The following MSRB3 variants were observed in gnomAD, a reference collection of about 807,000 sequenced individuals.
MSRB3 encodes the protein methionine sulfoxide reductase B3, also known as methionine-R-sulfoxide reductase B3.
In MSRB3, 13 loss-of-function variants were observed where a neutral mutation model predicts 21.0. The ratio of observed to expected loss-of-function variants is 0.62; its 90% CI spans 0.40 to 0.98. The LOEUF (loss-of-function observed/expected upper bound fraction) is 0.98, where lower values mean the gene tolerates loss of function less well. Ranked by LOEUF, MSRB3 falls within the 50% of genes least tolerant of loss-of-function variation. The probability of loss-of-function intolerance (pLI) is 0.00; values close to 1 mark genes in which losing one functional copy is unlikely to be tolerated. For synonymous variants in MSRB3, 87 were observed against 88.6 expected, an observed-to-expected ratio of 0.98 and a Z score of 0.10; for missense variants, 199 against 230.3, an observed-to-expected ratio of 0.86 and a Z score of 0.88.
At chr12:65,454,220 C>T (rs1325097652) in intron 6 of MSRB3, 9 of 411,964 alleles carry the variant, frequency 2.2e-5, no homozygotes, top group South Asian at 5.0e-5. Context: ...CCCAGGAGGT[C>T]GAGGCTGCAG....
chr12:65,353,149 G>A (rs888060035), intron 4 of MSRB3, among the ~76,000 whole-genome samples: 1 of 152,144 alleles, frequency 6.6e-6, no homozygotes, highest in Non-Finnish European at 1.5e-5. Context: ...TTCCAACTAT[G>A]TGGTCAGTTT....
chr12:65,460,351 C>G (rs1015805891), intron 6 of MSRB3, among the ~76,000 whole-genome samples: 1 of 152,204 alleles, frequency 6.6e-6, no homozygotes, highest in African/African-American at 2.4e-5. Context: ...CAGGGAGGAG[C>G]CTTCAAGGCT....
chr12:65,439,578 A>C (rs1040040062), intron 5 of MSRB3, among the ~76,000 whole-genome samples: 2 of 151,730 alleles, frequency 1.3e-5, no homozygotes, highest in Admixed American at 1.3e-4. Flanking sequence ...CGTATAGCCC[A>C]TATTTTTATA....
At chr12:65,309,874 C>T (rs1260428529) in intron 2 of MSRB3, among the ~76,000 whole-genome samples, 4 of 151,818 alleles carry the variant, frequency 2.6e-5, no homozygotes, top group Non-Finnish European at 5.9e-5. Flanking sequence ...TGTGCAAGGG[C>T]AAATAGAAGA....
At chr12:65,325,421 C>A (rs532621777) in intron 2 of MSRB3, among the ~76,000 whole-genome samples, 2 of 152,092 alleles carry the variant, frequency 1.3e-5, no homozygotes, top group Admixed American at 1.3e-4. Flanking sequence ...ACCTGCAGGC[C>A]CACTCCAAGG....
chr12:65,345,882 T>C (rs1017901353), intron 4 of MSRB3, among the ~76,000 whole-genome samples: 19 of 152,146 alleles, frequency 1.2e-4, no homozygotes, highest in Non-Finnish European at 2.4e-4. Context: ...GGTTTCCAGC[T>C]TCATCCACGT....
intron 1 of MSRB3, chr12:65,279,514 C>T: frequency 6.6e-6 from 1 of 152,274 alleles, no homozygotes; most frequent in Non-Finnish European, 1.5e-5. Context: ...CCCGAGTTTG[C>T]CAGGTATCAG....
intron 5 of MSRB3, among the ~76,000 whole-genome samples, chr12:65,433,202 C>A (rs930687998): frequency 6.6e-6 from 1 of 151,744 alleles, no homozygotes; most frequent in Non-Finnish European, 1.5e-5. Flanking sequence ...TCATAGTAGC[C>A]AAAAGGTATT....
At chr12:65,417,375 A>G (rs888479136) in intron 5 of MSRB3, among the ~76,000 whole-genome samples, 1 of 152,214 alleles carries the variant, frequency 6.6e-6, no homozygotes, top group South Asian at 2.1e-4. Context: ...TTTTTAACTG[A>G]CAAGTAAAAA....
chr12:65,421,510 T>C (rs1006096305), intron 5 of MSRB3, among the ~76,000 whole-genome samples: 1 of 152,250 alleles, frequency 6.6e-6, no homozygotes, highest in Non-Finnish European at 1.5e-5. Context: ...GTGATTGCAT[T>C]TGGCATCTTC....
intron 5 of MSRB3, among the ~76,000 whole-genome samples, chr12:65,402,595 C>T (rs890134196): frequency 3.9e-5 from 6 of 152,136 alleles, no homozygotes; most frequent in Non-Finnish European, 8.8e-5. Flanking sequence ...TATTACCCAC[C>T]TTCTGAAGCC....
intron 5 of MSRB3, chr12:65,419,933 G>T: frequency 3.4e-6 from 2 of 582,164 alleles, no homozygotes; most frequent in South Asian, 3.0e-5. Context: ...TTGTGCTGCT[G>T]ACCAGCCAGG....
chr12:65,347,734 A>G (rs146952233), intron 4 of MSRB3, among the ~76,000 whole-genome samples: 14,169 of 151,940 alleles, frequency 0.093, 2,273 homozygotes, highest in African/African-American at 0.32. Context: ...GTCATAGATA[A>G]CTCTTATTAT....
At chr12:65,455,735 T>TG (rs1183285366) in intron 6 of MSRB3, among the ~76,000 whole-genome samples, 1 of 152,018 alleles carries the variant, frequency 6.6e-6, no homozygotes, top group East Asian at 1.9e-4. Flanking sequence ...GCGATATAGT[T>TG]TGGGGTTTTT....
At chr12:65,382,378 A>G (rs1019143740) in intron 5 of MSRB3, among the ~76,000 whole-genome samples, 1 of 151,906 alleles carries the variant, frequency 6.6e-6, no homozygotes, top group African/African-American at 2.4e-5. Context: ...ATTTATTTCT[A>G]TGTTAGAATA....
At chr12:65,428,284 T>C (rs1432139388) in intron 5 of MSRB3, among the ~76,000 whole-genome samples, 1 of 152,200 alleles carries the variant, frequency 6.6e-6, no homozygotes, top group Non-Finnish European at 1.5e-5. Context: ...ATACTGATCT[T>C]ACCAGTTATT....
intron 4 of MSRB3, among the ~76,000 whole-genome samples, chr12:65,353,376 C>T (rs1877160472): frequency 6.6e-6 from 1 of 152,078 alleles, no homozygotes; most frequent in African/African-American, 2.4e-5. Context: ...CTTTGTAGGT[C>T]TCTAAAGACT....
At chr12:65,362,291 G>A (rs1479318097) in intron 4 of MSRB3, among the ~76,000 whole-genome samples, 1 of 152,080 alleles carries the variant, frequency 6.6e-6, no homozygotes. Flanking sequence ...ATAGAAAAAG[G>A]GCCTTCTCCC....
intron 4 of MSRB3, among the ~76,000 whole-genome samples, chr12:65,345,071 A>C (rs543238872): frequency 6.6e-6 from 1 of 152,168 alleles, no homozygotes; most frequent in East Asian, 1.9e-4. Flanking sequence ...AGCTGAAAAG[A>C]TTTATCAATT....
Sources: allele counts gnomAD v4.1 joint callset (sites outside exome capture counted in the v4.1 genomes callset), GRCh38; gene constraint gnomAD v4.1.1; transcripts MANE v1.5; gene names NCBI Gene and HGNC (gene_info 2026-07-23, HGNC 2026-07-21).